PTPRT: variants seen among roughly 807,000 people sequenced by gnomAD.
PTPRT encodes receptor-type tyrosine-protein phosphatase T.
PTPRT carries 56 observed loss-of-function variants against 176.8 expected under a neutral mutation model. The ratio of observed to expected loss-of-function variants is 0.32; its 90% CI spans 0.26 to 0.40. The LOEUF (loss-of-function observed/expected upper bound fraction) is 0.40. PTPRT is among the 10% of genes least tolerant of loss of function. The probability of loss-of-function intolerance (pLI) is 1.00; values close to 1 mark genes in which losing one functional copy is unlikely to be tolerated. For synonymous variants in PTPRT, 783 were observed against 739.0 expected (o/e 1.06, Z -0.96); for missense variants, 1,540 against 1,908.2 (o/e 0.81, Z 3.60).
At chr20:42,248,972 A>G in intron 13 of PTPRT, 150 bp from the exon 14 acceptor site, 1 of 893,386 alleles carries the variant, frequency 1.1e-6, no homozygotes, top group Non-Finnish European at 1.6e-6. Flanking sequence ...CCCATTTAAT[A>G]ACTTCTGAGG....
rs182865343 is a variant in PTPRT, at chr20:42,572,080, T to A, written c.1154-99518A>T. 6.8e-3 allele frequency among the ~76,000 whole-genome samples: 1,036 copies of A among 152,282 alleles called. 11 individuals carry two copies. The highest frequency in any genetic ancestry group is 0.034 in the Middle Eastern group (10 of 294). ...AAGACTGAGACTCCAGAATATATGA[T>A]GTCTGGCGAGGGTCTGTTCCTCATA... On this transcript the variant is annotated intron_variant, in intron 7 of 30. Transcript: ENST00000373187.
intron 2 of PTPRT, among the ~76,000 whole-genome samples, chr20:42,870,968 T>G (rs1202659711): frequency 6.6e-6 from 1 of 150,850 alleles, no homozygotes; most frequent in Non-Finnish European, 1.5e-5. Context: ...TTTTTTTTTT[T>G]GAGATAGAGG....
chr20:42,898,837 G>T (rs1288250176), intron 1 of PTPRT, among the ~76,000 whole-genome samples: 1 of 152,154 alleles, frequency 6.6e-6, no homozygotes, highest in African/African-American at 2.4e-5. Flanking sequence ...TTGGGTCAGC[G>T]CCAGCCTCAA....
At chr20:42,671,164 G>T (rs1378055273) in intron 7 of PTPRT, among the ~76,000 whole-genome samples, 1 of 152,120 alleles carries the variant, frequency 6.6e-6, no homozygotes, top group Non-Finnish European at 1.5e-5. Context: ...ACTGCCCTTG[G>T]TTCTCACTGT....
chr20:42,928,056 G>A (rs916360603), intron 1 of PTPRT, among the ~76,000 whole-genome samples: 2 of 152,168 alleles, frequency 1.3e-5, no homozygotes, highest in Non-Finnish European at 2.9e-5. Flanking sequence ...TACAAACTGG[G>A]ACGGGGTAAG....
intron 2 of PTPRT, among the ~76,000 whole-genome samples, chr20:42,804,346 C>T (rs547482661): frequency 6.6e-6 from 1 of 152,288 alleles, no homozygotes; most frequent in African/African-American, 2.4e-5. Flanking sequence ...GACCACAATG[C>T]AGACCCCAAC....
At chr20:42,274,688 T>G (rs1165327243) in intron 13 of PTPRT, among the ~76,000 whole-genome samples, 1 of 152,016 alleles carries the variant, frequency 6.6e-6, no homozygotes, top group East Asian at 1.9e-4. Context: ...TGCAGAGAGA[T>G]GCTGCTGGGC....
At chr20:42,932,809 C>T (rs1487210027) in intron 1 of PTPRT, among the ~76,000 whole-genome samples, 4 of 152,246 alleles carry the variant, frequency 2.6e-5, no homozygotes, top group Non-Finnish European at 4.4e-5. Context: ...CCTTCACGAC[C>T]TCCTCAACAG....
In PTPRT at chr20:43,073,923, T is replaced by A. The variant is rs559385387; in HGVS notation, c.88+115723A>T. ...ATGTCACCAGGCCCAGCTAATTTTT[T>A]AAAATTATTTTGTAGAGACAGGGTC... On this transcript the variant is annotated intron_variant, in intron 1 of 30. Coordinates refer to ENST00000373187, the MANE Select transcript of PTPRT (RefSeq NM_007050.6). Among the ~76,000 whole-genome samples, 7 of 152,228 alleles carry A rather than the reference T, an allele frequency of 4.6e-5. No individual in the cohort carries two copies. The South Asian group carries it at 1.4e-3, about 32-fold the overall frequency.
chr20:42,346,879 G>A (rs754917846), intron 11 of PTPRT, among the ~76,000 whole-genome samples: 2 of 152,168 alleles, frequency 1.3e-5, no homozygotes, highest in Admixed American at 6.6e-5. Context: ...TGATAGACCG[G>A]GCTCACACAA....
At chr20:42,975,271 G>A (rs181057548) in intron 1 of PTPRT, among the ~76,000 whole-genome samples, 3 of 152,176 alleles carry the variant, frequency 2.0e-5, no homozygotes, top group African/African-American at 7.2e-5. Context: ...CATGAGAGAA[G>A]TGCATATGCT....
At chr20:42,620,749 C>T (rs529719380) in intron 7 of PTPRT, among the ~76,000 whole-genome samples, 12 of 152,326 alleles carry the variant, frequency 7.9e-5, no homozygotes, top group Non-Finnish European at 1.6e-4. Flanking sequence ...AAGGGAACTC[C>T]CTGACCCCTT....
At chr20:43,169,555 T>C (rs1009462031) in intron 1 of PTPRT, among the ~76,000 whole-genome samples, 5 of 152,242 alleles carry the variant, frequency 3.3e-5, no homozygotes, top group African/African-American at 1.2e-4. Flanking sequence ...AACTGTCATT[T>C]CAATTCGAAT....
At chr20:42,976,481 G>A (rs139162182) in intron 1 of PTPRT, among the ~76,000 whole-genome samples, 3 of 151,560 alleles carry the variant, frequency 2.0e-5, no homozygotes, top group Non-Finnish European at 2.9e-5. Context: ...TCTCGGCTTA[G>A]TGCAACCTCC....
intron 7 of PTPRT, among the ~76,000 whole-genome samples, chr20:42,541,596 T>C (rs1432989355): frequency 5.6e-5 from 8 of 143,132 alleles, no homozygotes; most frequent in African/African-American, 1.8e-4. Flanking sequence ...TAAATAAAGC[T>C]GAGTAGCCAT....
At chr20:43,178,101 G>T (rs1397206454) in intron 1 of PTPRT, among the ~76,000 whole-genome samples, 2 of 152,194 alleles carry the variant, frequency 1.3e-5, no homozygotes. Flanking sequence ...ATTAAGCTGG[G>T]CATCTCACAA....
chr20:43,009,994 C>A, intron 1 of PTPRT, among the ~76,000 whole-genome samples: 1 of 152,098 alleles, frequency 6.6e-6, no homozygotes, highest in African/African-American at 2.4e-5. Flanking sequence ...TCTTTCCCAC[C>A]AAACCAGCTC....
chr20:42,603,099 G>T (rs1171159807), intron 7 of PTPRT, among the ~76,000 whole-genome samples: 3 of 152,170 alleles, frequency 2.0e-5, no homozygotes, highest in Non-Finnish European at 2.9e-5. Flanking sequence ...TCCTGGGAAG[G>T]TTCCTGTTCT....
chr20:42,955,100 G>T (rs1981540505), intron 1 of PTPRT, among the ~76,000 whole-genome samples: 1 of 152,074 alleles, frequency 6.6e-6, no homozygotes, highest in Non-Finnish European at 1.5e-5. Context: ...TCTTAGTGAT[G>T]CACAACACAC....
Sources: gnomAD v4.1 joint callset for allele counts (sites outside exome capture counted in the v4.1 genomes callset) on GRCh38, gnomAD v4.1.1 for gene constraint, MANE v1.5 for transcripts, NCBI Gene and HGNC (gene_info 2026-07-23, HGNC 2026-07-21) for gene names.